PPP4R2: variants seen among roughly 807,000 people sequenced by gnomAD.
The protein encoded by PPP4R2 is protein phosphatase 4 regulatory subunit 2.
In PPP4R2, 13 loss-of-function variants were observed where a neutral mutation model predicts 47.2. The observed-to-expected ratio is 0.28, with a 90% confidence interval of 0.18 to 0.44. The LOEUF (loss-of-function observed/expected upper bound fraction) is 0.44, where lower values mean the gene tolerates loss of function less well. Ranked by LOEUF, PPP4R2 falls within the 20% of genes least tolerant of loss-of-function variation. The probability of loss-of-function intolerance (pLI) is 1.00; values close to 1 mark genes in which losing one functional copy is unlikely to be tolerated. For synonymous variants in PPP4R2, 151 were observed against 163.3 expected (o/e 0.92, Z 0.57); for missense variants, 421 against 491.2 (o/e 0.86, Z 1.35).
intron 7 of PPP4R2, among the ~76,000 whole-genome samples, chr3:73,064,401 T>A (rs1449522565): frequency 6.6e-6 from 1 of 152,212 alleles, no homozygotes; most frequent in South Asian, 2.1e-4. Flanking sequence ...TCCATTTCAT[T>A]TGTTGTTTCT....
At chr3:73,054,912 T>C (rs959274333) in intron 3 of PPP4R2, among the ~76,000 whole-genome samples, 2 of 152,168 alleles carry the variant, frequency 1.3e-5, no homozygotes, top group Admixed American at 1.3e-4. Flanking sequence ...AAAAATAGCA[T>C]TGAATTGCTA....
intron 2 of PPP4R2, among the ~76,000 whole-genome samples, chr3:72,999,765 A>T (rs1158999095): frequency 1.3e-5 from 2 of 152,132 alleles, no homozygotes; most frequent in Non-Finnish European, 2.9e-5. Flanking sequence ...CCTCCACCCC[A>T]TATTCGGTGT....
chr3:73,051,437 C>A lies in PPP4R2; in HGVS notation c.287+4081C>A, dbSNP rs11718205. ...AATGGAACATCTTTTTGTGTACTTA[C>A]AGCCTTTCTGTGAATTGCCCTTTAT... is the stretch of plus-strand genomic sequence containing the variant. On this transcript the variant is annotated intron_variant, in intron 3 of 8. Coordinates refer to ENST00000356692, the MANE Select transcript of PPP4R2 (RefSeq NM_174907.4). Among the ~76,000 whole-genome samples, 930 of 152,282 alleles carry A rather than the reference C, an allele frequency of 6.1e-3. 7 individuals carry two copies. The highest frequency in any genetic ancestry group is 0.01 in the Non-Finnish European group (698 of 68,028).
At chr3:73,039,447 A>G (rs554338760) in intron 2 of PPP4R2, among the ~76,000 whole-genome samples, 3 of 152,328 alleles carry the variant, frequency 2.0e-5, no homozygotes, top group South Asian at 4.1e-4. Context: ...TTACCTTTGA[A>G]GCAGTCAGTA....
In PPP4R2 at chr3:73,056,357, A is replaced by G. The variant is rs571298915; in HGVS notation, c.288-2680A>G. Among the ~76,000 whole-genome samples the G allele has an allele frequency of 3.9e-5, 6 of 152,316 alleles. No homozygotes were observed. The South Asian group carries it at 1.0e-3, about 26-fold the overall frequency. ...TTACATGTCTTTTGACTGCTGTTGA[A>G]CAAGGTTGGTATTTCTAGTTTATAA... On this transcript the variant is annotated intron_variant, in intron 3 of 8. Coordinates refer to ENST00000356692, the MANE Select transcript of PPP4R2 (RefSeq NM_174907.4).
chr3:73,019,642 G>A (rs1431165892), intron 2 of PPP4R2, among the ~76,000 whole-genome samples: 1 of 152,210 alleles, frequency 6.6e-6, no homozygotes, highest in Non-Finnish European at 1.5e-5. Flanking sequence ...CCAAAGTGCT[G>A]GGATTACAGG....
intron 3 of PPP4R2, among the ~76,000 whole-genome samples, chr3:73,055,698 AT>A (rs1702718501): frequency 6.8e-6 from 1 of 146,700 alleles, no homozygotes; most frequent in East Asian, 2.0e-4. Context: ...TCTCACTCTT[AT>A]CACCCAGGCT....
intron 2 of PPP4R2, among the ~76,000 whole-genome samples, chr3:73,020,543 G>T (rs9825457): frequency 0.33 from 50,317 of 151,276 alleles, 8,841 homozygotes; most frequent in Non-Finnish European, 0.4. Flanking sequence ...GGTGGTGTGT[G>T]CCTGTAGTCT....
chr3:73,043,837 C>G lies in PPP4R2; in HGVS notation c.117-3349C>G, dbSNP rs143190345. Among the ~76,000 whole-genome samples the G allele has an allele frequency of 3.9e-3, 592 of 152,266 alleles. 3 individuals carry two copies. The highest frequency in any genetic ancestry group is 0.013 in the African/African-American group (532 of 41,538). ...GTAAGTACACTCACGATGTATGTTA[C>G]CATCACTATCATCCATCTGCAGAAC... On this transcript the variant is annotated intron_variant, in intron 2 of 8. Transcript: ENST00000356692.
At chr3:73,055,541 C>A (rs1317103608) in intron 3 of PPP4R2, among the ~76,000 whole-genome samples, 1 of 151,330 alleles carries the variant, frequency 6.6e-6, no homozygotes, top group Non-Finnish European at 1.5e-5. Flanking sequence ...ATGTTGTAGG[C>A]ACTGTTTTAA....
intron 2 of PPP4R2, among the ~76,000 whole-genome samples, chr3:73,011,111 C>T (rs1451012094): frequency 1.3e-5 from 2 of 152,110 alleles, no homozygotes; most frequent in Non-Finnish European, 2.9e-5. Context: ...TACCATTTGC[C>T]CCTTGTTCAG....
chr3:73,048,149 A>G (rs1346276153), intron 3 of PPP4R2, among the ~76,000 whole-genome samples: 1 of 152,194 alleles, frequency 6.6e-6, no homozygotes, highest in African/African-American at 2.4e-5. Context: ...TGCTGGAATT[A>G]CAGGCGTGAG....
At chr3:73,012,022 T>C (rs1194841575) in intron 2 of PPP4R2, among the ~76,000 whole-genome samples, 1 of 152,160 alleles carries the variant, frequency 6.6e-6, no homozygotes, top group Admixed American at 6.6e-5. Flanking sequence ...GTGAGGTAGC[T>C]TTCTATCAAC....
chr3:73,009,415 A>C (rs1400491246), intron 2 of PPP4R2, among the ~76,000 whole-genome samples: 1 of 152,198 alleles, frequency 6.6e-6, no homozygotes, highest in Non-Finnish European at 1.5e-5. Flanking sequence ...ACTACTACTA[A>C]ACTCTTTAAA....
intron 2 of PPP4R2, among the ~76,000 whole-genome samples, chr3:73,045,038 G>T (rs183049188): frequency 1.3e-5 from 2 of 152,260 alleles, no homozygotes; most frequent in African/African-American, 4.8e-5. Context: ...CTGTCGCTCA[G>T]GCTGGATTCC....
chr3:73,062,960 C>T, intron 5 of PPP4R2: 1 of 1,417,956 alleles, frequency 7.1e-7, no homozygotes, highest in African/African-American at 1.4e-5. Flanking sequence ...TAGATCAGTG[C>T]ATGGATGGCT....
chr3:73,023,180 CCT>C (rs1701994615), intron 2 of PPP4R2, among the ~76,000 whole-genome samples: 1 of 106,422 alleles, frequency 9.4e-6, no homozygotes, highest in African/African-American at 3.9e-5. Flanking sequence ...CTTTTCTTTT[CCT>C]TTTTTTTGTT....
intron 2 of PPP4R2, among the ~76,000 whole-genome samples, chr3:73,020,210 T>C (rs1235184740): frequency 1.3e-5 from 2 of 152,116 alleles, no homozygotes; most frequent in Admixed American, 6.5e-5. Context: ...TTTCATTTGT[T>C]TTTGAGACAG....
intron 2 of PPP4R2, among the ~76,000 whole-genome samples, chr3:73,020,690 AAG>A (rs1491566191): frequency 1.3e-5 from 2 of 151,710 alleles, no homozygotes; most frequent in Non-Finnish European, 2.9e-5. Flanking sequence ...AAAAAAAAAA[AAG>A]TTAAAAAACT....
Sources: gnomAD v4.1 joint callset for allele counts (sites outside exome capture counted in the v4.1 genomes callset) on GRCh38, gnomAD v4.1.1 for gene constraint, MANE v1.5 for transcripts, NCBI Gene and HGNC (gene_info 2026-07-23, HGNC 2026-07-21) for gene names.